Variants in SLC71A2 observed in about 807,000 individuals in gnomAD.
SLC71A2 encodes hippocampus abundant transcript-like 1.
chr9:94,446,963 T>C, the SLC71A2 span: 1 of 1,058,160 alleles, frequency 9.5e-7, no homozygotes, highest in Non-Finnish European at 1.5e-6. Flanking sequence ...TAGTAGCCTT[T>C]CAATACCAGG....
At chr9:94,397,333 G>C in the SLC71A2 span, among the ~76,000 whole-genome samples, 2 of 152,028 alleles carry the variant, frequency 1.3e-5, no homozygotes, top group African/African-American at 2.4e-5. Flanking sequence ...AAGCAGCCAG[G>C]CATGGTGGCT....
the SLC71A2 span, among the ~76,000 whole-genome samples, chr9:94,396,533 A>G: frequency 2.0e-5 from 3 of 152,116 alleles, no homozygotes; most frequent in African/African-American, 7.2e-5. Flanking sequence ...ATTAAAGTAA[A>G]ATGAAAACAA....
At chr9:94,458,025 G>A in the SLC71A2 span, among the ~76,000 whole-genome samples, 1 of 152,214 alleles carries the variant, frequency 6.6e-6, no homozygotes, top group African/African-American at 2.4e-5. Context: ...ACCAGTAAAT[G>A]ACCAGAGCAG....
At chr9:94,422,540 A>ATTGCATGGT in the SLC71A2 span, among the ~76,000 whole-genome samples, 1 of 152,146 alleles carries the variant, frequency 6.6e-6, no homozygotes, top group Non-Finnish European at 1.5e-5. Context: ...TGGGAGTAAA[A>ATTGCATGGT]TTGCATGGTT....
At chr9:94,458,240 G>A in the SLC71A2 span, 9 of 1,265,880 alleles carry the variant, frequency 7.1e-6, no homozygotes, top group Non-Finnish European at 9.8e-6. Flanking sequence ...GTGTATCATG[G>A]TTATGAGAAA....
At chr9:94,455,470 C>T in the SLC71A2 span, among the ~76,000 whole-genome samples, 3 of 146,200 alleles carry the variant, frequency 2.1e-5, no homozygotes, top group Non-Finnish European at 3.0e-5. Context: ...CTGCCTTGGC[C>T]TCCCAAAGTG....
At chr9:94,440,511 C>T in the SLC71A2 span, among the ~76,000 whole-genome samples, 1 of 151,700 alleles carries the variant, frequency 6.6e-6, no homozygotes, top group Non-Finnish European at 1.5e-5. Flanking sequence ...TAAGGTTTTT[C>T]TTTGTTAATT....
chr9:94,453,897 G>A, the SLC71A2 span: 8 of 1,126,134 alleles, frequency 7.1e-6, no homozygotes, highest in South Asian at 2.5e-5. Flanking sequence ...CACACACAGA[G>A]CTTGTATTTT....
chr9:94,454,461 G>A, the SLC71A2 span, among the ~76,000 whole-genome samples: 8 of 151,904 alleles, frequency 5.3e-5, no homozygotes, highest in African/African-American at 1.2e-4. Context: ...TCTACCACCC[G>A]GATTCAAGCA....
At chr9:94,410,763 A>T in the SLC71A2 span, among the ~76,000 whole-genome samples, 1 of 152,100 alleles carries the variant, frequency 6.6e-6, no homozygotes, top group Admixed American at 6.5e-5. Context: ...ATTAGCAAAA[A>T]TTTTAAAATT....
At chr9:94,411,772 G>A in the SLC71A2 span, among the ~76,000 whole-genome samples, 11 of 152,048 alleles carry the variant, frequency 7.2e-5, no homozygotes, top group African/African-American at 2.7e-4. Flanking sequence ...TGTATTTTTA[G>A]TAGAGATGGG....
the SLC71A2 span, among the ~76,000 whole-genome samples, chr9:94,410,647 G>A: frequency 6.6e-6 from 1 of 152,138 alleles, no homozygotes; most frequent in African/African-American, 2.4e-5. Flanking sequence ...TGAACAGGCA[G>A]TTCACAGAAA....
the SLC71A2 span, chr9:94,433,192 G>T: frequency 3.9e-6 from 1 of 253,756 alleles, no homozygotes; most frequent in Non-Finnish European, 8.0e-6. Flanking sequence ...GGCTACCATG[G>T]TGCTGGTGTA....
At chr9:94,445,333 GT>G in the SLC71A2 span, 1 of 636,658 alleles carries the variant, frequency 1.6e-6, no homozygotes, top group Non-Finnish European at 2.7e-6. Context: ...AAGGGATTGA[GT>G]TAGTCTTTGT....
chr9:94,451,598 A>C, the SLC71A2 span: 5 of 794,850 alleles, frequency 6.3e-6, no homozygotes, highest in Admixed American at 1.3e-4. Flanking sequence ...ACAGGAAGCC[A>C]CATATAAAAA....
At chr9:94,401,249 C>T in the SLC71A2 span, among the ~76,000 whole-genome samples, 1 of 152,160 alleles carries the variant, frequency 6.6e-6, no homozygotes, top group African/African-American at 2.4e-5. Context: ...TGGCTCACTG[C>T]AACCTCCGCC....
the SLC71A2 span, among the ~76,000 whole-genome samples, chr9:94,400,451 A>G: frequency 6.6e-6 from 1 of 150,448 alleles, no homozygotes; most frequent in Non-Finnish European, 1.5e-5. Context: ...TATAATTTCT[A>G]TGGGGAAATT....
At chr9:94,454,615 C>T in the SLC71A2 span, among the ~76,000 whole-genome samples, 4 of 151,992 alleles carry the variant, frequency 2.6e-5, no homozygotes, top group African/African-American at 7.3e-5. Flanking sequence ...CTGCCTGCCT[C>T]GGCCTCCCAA....
chr9:94,453,399 C>T, the SLC71A2 span, among the ~76,000 whole-genome samples: 4 of 152,112 alleles, frequency 2.6e-5, no homozygotes, highest in East Asian at 1.9e-4. Flanking sequence ...CTGCTTGCCT[C>T]GGCCTCCCAA....
Sources: allele counts gnomAD v4.1 joint callset (sites outside exome capture counted in the v4.1 genomes callset), GRCh38; gene constraint gnomAD v4.1.1; transcripts MANE v1.5; gene names NCBI Gene and HGNC (gene_info 2026-07-23, HGNC 2026-07-21).